Variants in YPEL2 observed in about 807,000 individuals in gnomAD.
YPEL2 encodes yippee like 2.
Under a neutral mutation model 19.1 loss-of-function variants are expected in YPEL2, and 2 were observed. That is an observed-to-expected ratio of 0.10 (90% CI 0.04 to 0.33). The LOEUF (loss-of-function observed/expected upper bound fraction) is 0.33. YPEL2 is among the 10% of genes least tolerant of loss of function. YPEL2 has a pLI of 1.00. For synonymous variants in YPEL2, 52 were observed against 50.0 expected, an observed-to-expected ratio of 1.04 and a Z score of -0.17; for missense variants, 66 against 140.7, an observed-to-expected ratio of 0.47 and a Z score of 2.68.
chr17:59,342,052 A>G (rs2147935016), intron 1 of YPEL2, among the ~76,000 whole-genome samples: 1 of 152,302 alleles, frequency 6.6e-6, no homozygotes, highest in Admixed American at 6.5e-5. Context: ...TCCAAATTCC[A>G]ATTGCGGAAA....
chr17:59,341,010 C>G (rs149807191), intron 1 of YPEL2, among the ~76,000 whole-genome samples: 3 of 149,798 alleles, frequency 2.0e-5, no homozygotes, highest in Non-Finnish European at 4.5e-5. Context: ...CCACCGCACC[C>G]GGCTGTTTTG....
At chr17:59,338,025 T>G (rs1309508132) in intron 1 of YPEL2, among the ~76,000 whole-genome samples, 1 of 152,226 alleles carries the variant, frequency 6.6e-6, no homozygotes, top group South Asian at 2.1e-4. Context: ...AGCAGCATTC[T>G]GCTTGCGAGG....
At chr17:59,333,624 T>G (rs1002030452) in intron 1 of YPEL2, among the ~76,000 whole-genome samples, 4 of 152,180 alleles carry the variant, frequency 2.6e-5, no homozygotes, top group African/African-American at 9.7e-5. Context: ...TTTTTTCTAC[T>G]TCATTTAAAA....
chr17:59,332,775 A>T (rs993776828), intron 1 of YPEL2, among the ~76,000 whole-genome samples: 19 of 152,274 alleles, frequency 1.2e-4, no homozygotes, highest in South Asian at 4.1e-4. Flanking sequence ...CCCGCCCCCC[A>T]GTCCCGCCGC....
intron 4 of YPEL2, among the ~76,000 whole-genome samples, chr17:59,394,691 G>C (rs1292206930): frequency 6.6e-6 from 1 of 152,132 alleles, no homozygotes; most frequent in Admixed American, 6.5e-5. Context: ...CGGGGTGGCG[G>C]CCGGGCAGAG....
chr17:59,348,987 C>CCATCCTGGCTAA (rs2047771486), intron 1 of YPEL2, among the ~76,000 whole-genome samples: 1 of 152,070 alleles, frequency 6.6e-6, no homozygotes, highest in South Asian at 2.1e-4. Context: ...GAGATCGAGA[C>CCATCCTGGCTAA]CACGGTGAAA....
chr17:59,386,682 T>C (rs528798574), intron 2 of YPEL2, among the ~76,000 whole-genome samples: 4 of 152,326 alleles, frequency 2.6e-5, no homozygotes, highest in African/African-American at 9.6e-5. Context: ...TCTAGACCTG[T>C]GTCGCTGGGA....
intron 2 of YPEL2, chr17:59,366,049 T>G (rs2047867062): frequency 6.5e-6 from 1 of 153,016 alleles, no homozygotes; most frequent in Non-Finnish European, 1.5e-5. Context: ...CTCCTTTTCC[T>G]TCTTGTTAGG....
intron 2 of YPEL2, among the ~76,000 whole-genome samples, chr17:59,373,820 TGGCCAAGAAA>T (rs1306432695): frequency 6.6e-6 from 1 of 152,244 alleles, no homozygotes; most frequent in African/African-American, 2.4e-5. Flanking sequence ...GCACTTGCGT[TGGCCAAGAAA>T]GATTGAGCAC....
chr17:59,398,296 C>G lies in YPEL2; in HGVS notation c.*1106C>G, dbSNP rs117303140. On this transcript the variant is annotated 3_prime_UTR_variant, in exon 5 of 5. Coordinates refer to ENST00000312655, the MANE Select transcript of YPEL2 (RefSeq NM_001005404.4). ...GGTTTTACAGTGGCTTCCGTGGGAT[C>G]GTCAATTTCTTGTTCTTAGAGTTTC... is the stretch of plus-strand genomic sequence containing the variant. 2.0e-5 allele frequency: 3 copies of G among 152,138 alleles called. No homozygotes were observed. Among genetic ancestry groups the G allele is most frequent in the Non-Finnish European group, 2.9e-5 (2 of 68,086 alleles). 9.4% of individuals were successfully genotyped at this position (152,138 alleles called of 1,614,324 possible).
chr17:59,375,958 C>T (rs1438430284), intron 2 of YPEL2, among the ~76,000 whole-genome samples: 1 of 152,208 alleles, frequency 6.6e-6, no homozygotes, highest in Non-Finnish European at 1.5e-5. Flanking sequence ...CCTTGACTTA[C>T]AAGCTGTGTG....
rs1454924773 is a variant in YPEL2 at position 59,347,193 on chromosome 17, A to AT, written c.-195-6016dup. Among the ~76,000 whole-genome samples the AT allele has an allele frequency of 2.6e-4, 40 of 152,278 alleles. No homozygotes were observed. The East Asian group carries it at 5.0e-3, about 19-fold the overall frequency. On this transcript the variant is annotated intron_variant, in intron 1 of 4. Coordinates refer to ENST00000312655, the MANE Select transcript of YPEL2 (RefSeq NM_001005404.4). ...CTATGAAGTAGATATTATTGTCTCT[A>AT]TTTTTTGTGAGGAAAGTGAGGTCCA...
intron 2 of YPEL2, among the ~76,000 whole-genome samples, chr17:59,377,595 A>G (rs746044268): frequency 6.6e-6 from 1 of 152,216 alleles, no homozygotes; most frequent in Non-Finnish European, 1.5e-5. Context: ...AGCTGGCAGC[A>G]TCTGCTTTCC....
intron 4 of YPEL2, among the ~76,000 whole-genome samples, chr17:59,394,431 C>T (rs1212762515): frequency 1.4e-5 from 2 of 146,026 alleles, no homozygotes; most frequent in East Asian, 4.1e-4. Flanking sequence ...CGGGCAGAGA[C>T]GCTCCTCACT....
chr17:59,362,614 T>G (rs1014295018), intron 2 of YPEL2: 11 of 152,196 alleles, frequency 7.2e-5, no homozygotes, highest in African/African-American at 2.4e-4. Context: ...AAATTAACTC[T>G]GTGGTTTGCA....
intron 1 of YPEL2, among the ~76,000 whole-genome samples, chr17:59,349,274 T>G (rs1185552829): frequency 6.6e-6 from 1 of 151,050 alleles, no homozygotes; most frequent in East Asian, 1.9e-4. Context: ...ACAGTGCAGA[T>G]GTTGATTTTT....
chr17:59,360,278 C>T (rs1598036114), intron 2 of YPEL2, among the ~76,000 whole-genome samples: 1 of 152,252 alleles, frequency 6.6e-6, no homozygotes, highest in Non-Finnish European at 1.5e-5. Flanking sequence ...CGGGTTTCAC[C>T]GTGTTGGCCA....
intron 2 of YPEL2, among the ~76,000 whole-genome samples, chr17:59,360,149 T>A (rs991325505): frequency 1.3e-5 from 2 of 152,262 alleles, no homozygotes; most frequent in Non-Finnish European, 2.9e-5. Flanking sequence ...CGATCTTGGC[T>A]CACTGCAAGC....
rs1185610879 is a variant in YPEL2 at position 59,397,194 on chromosome 17, G to C, written c.*4G>C. On this transcript the variant is annotated 3_prime_UTR_variant, in exon 5 of 5. Transcript: ENST00000312655. The stretch of plus-strand genomic sequence containing the variant: ...CAAGGACAATGGCTGGGACTGATTG[G>C]ACAGCATCTACCCAACCCAGTGTCC... The C allele has an allele frequency of 1.2e-6, 2 of 1,602,782 alleles. No homozygotes were observed. Among genetic ancestry groups the C allele is most frequent in the Non-Finnish European group, 1.7e-6 (2 of 1,174,720 alleles).
Sources: allele counts gnomAD v4.1 joint callset (sites outside exome capture counted in the v4.1 genomes callset), GRCh38; gene constraint gnomAD v4.1.1; transcripts MANE v1.5; gene names NCBI Gene and HGNC (gene_info 2026-07-23, HGNC 2026-07-21).